The following OPHN1 variants were observed in gnomAD, a reference collection of about 807,000 sequenced individuals.
OPHN1 encodes oligophrenin-1.
A neutral mutation model predicts 60.7 loss-of-function variants in OPHN1; 11 were observed. The ratio of observed to expected loss-of-function variants is 0.18; its 90% CI spans 0.11 to 0.30. The LOEUF (loss-of-function observed/expected upper bound fraction) is 0.30, where lower values mean the gene tolerates loss of function less well. Among genes scored for constraint, OPHN1 ranks in the 10% least tolerant of loss-of-function variants. The pLI, the probability that OPHN1 is intolerant of heterozygous loss-of-function variation, is 1.00. For missense variants in OPHN1, 449 were observed against 611.0 expected (o/e 0.73, Z 2.80); for synonymous variants, 226 against 222.6 (o/e 1.02, Z -0.14).
At chrX:68,049,234 T>C (rs187802896) in intron 23 of OPHN1, among the ~76,000 whole-genome samples, 2 of 111,885 alleles carry the variant, frequency 1.8e-5, no homozygotes, top group East Asian at 5.7e-4. Flanking sequence ...TAAGTTGCAG[T>C]TACCCACTGA....
chrX:68,118,105 G>A lies in OPHN1; in HGVS notation c.1361+1143C>T, dbSNP rs1383444166. On this transcript the variant is annotated intron_variant, in intron 16 of 24. Transcript: ENST00000355520. ...AGAAGGCCAAAGCTCCTGGGAGTAG[G>A]GGGCAGGAGAAGAAGATGCCCCAGT... Among the ~76,000 whole-genome samples the A allele has an allele frequency of 4.5e-5, 5 of 111,790 alleles. No homozygotes were observed. The South Asian group carries it at 1.5e-3, about 34-fold the overall frequency.
At chrX:68,165,127 CCAT>C (rs1427992398) in intron 15 of OPHN1, among the ~76,000 whole-genome samples, 5 of 111,360 alleles carry the variant, frequency 4.5e-5, no homozygotes, top group South Asian at 7.6e-4. Flanking sequence ...CAAACTTTCC[CCAT>C]GTCAACTATA....
chrX:68,368,404 T>C (rs1189632603), intron 2 of OPHN1, among the ~76,000 whole-genome samples: 1 of 110,901 alleles, frequency 9.0e-6, no homozygotes, highest in African/African-American at 3.3e-5. Context: ...TAGCTGGACA[T>C]GGTGTTGTGC....
intron 15 of OPHN1, among the ~76,000 whole-genome samples, chrX:68,140,521 T>C (rs1053964380): frequency 9.1e-6 from 1 of 110,471 alleles, no homozygotes; most frequent in African/African-American, 3.3e-5. Flanking sequence ...TGAAGCAACC[T>C]GGTGAGGGTG....
At chrX:68,149,020 A>C (rs1216882711) in intron 15 of OPHN1, among the ~76,000 whole-genome samples, 2 of 111,392 alleles carry the variant, frequency 1.8e-5, no homozygotes, top group Non-Finnish European at 3.8e-5. Flanking sequence ...ATGGCCCACA[A>C]AACAAAAGTA....
chrX:68,269,677 G>A (rs2077955541), intron 5 of OPHN1, among the ~76,000 whole-genome samples: 1 of 111,540 alleles, frequency 9.0e-6, no homozygotes, highest in South Asian at 3.8e-4. Flanking sequence ...CATAGGCATG[G>A]GCAAGGACTT....
At chrX:68,374,610 CCTGG>C (rs1038431394) in intron 2 of OPHN1, among the ~76,000 whole-genome samples, 1 of 110,232 alleles carries the variant, frequency 9.1e-6, no homozygotes, top group African/African-American at 3.3e-5. Flanking sequence ...CATCACTATG[CCTGG>C]CTAATTTTTT....
chrX:68,105,074 C>G (rs979723730), intron 18 of OPHN1, among the ~76,000 whole-genome samples: 2 of 112,081 alleles, frequency 1.8e-5, no homozygotes, highest in African/African-American at 6.5e-5. Context: ...CATCATTAGT[C>G]ATTAGAGAAA....
At chrX:68,240,658 T>C (rs147915466) in intron 5 of OPHN1, among the ~76,000 whole-genome samples, 1,413 of 112,041 alleles carry the variant, frequency 0.013, 14 homozygotes, top group Non-Finnish European at 0.021. Flanking sequence ...TTGTTAATCC[T>C]TTCAATAACT....
At chrX:68,259,240 C>T (rs1191406630) in intron 5 of OPHN1, among the ~76,000 whole-genome samples, 1 of 111,188 alleles carries the variant, frequency 9.0e-6, no homozygotes, top group Non-Finnish European at 1.9e-5. Flanking sequence ...CACTTGAGAC[C>T]AGGAGTTCGA....
intron 15 of OPHN1, among the ~76,000 whole-genome samples, chrX:68,136,471 T>C (rs1602182605): frequency 2.8e-5 from 3 of 108,180 alleles, no homozygotes; most frequent in African/African-American, 1.0e-4. Flanking sequence ...GCCTGGCTAA[T>C]TTTTTGTATT....
intron 20 of OPHN1, chrX:68,070,712 G>A (rs878963222): frequency 9.2e-7 from 1 of 1,089,096 alleles, no homozygotes; most frequent in African/African-American, 1.8e-5. Flanking sequence ...CATCCATGAG[G>A]GCTTTGGTTC....
intron 5 of OPHN1, among the ~76,000 whole-genome samples, chrX:68,258,060 C>T (rs901139041): frequency 9.1e-6 from 1 of 109,320 alleles, no homozygotes; most frequent in Admixed American, 9.9e-5. Context: ...TGGTTATAGA[C>T]GGGAAGAGAA....
At chrX:68,370,522 A>AG (rs947588096) in intron 2 of OPHN1, among the ~76,000 whole-genome samples, 9 of 110,545 alleles carry the variant, frequency 8.1e-5, no homozygotes, top group Non-Finnish European at 1.5e-4. Context: ...AAAAAAAAAA[A>AG]GAGATGCTAG....
intron 2 of OPHN1, among the ~76,000 whole-genome samples, chrX:68,430,847 G>T (rs1352849266): frequency 1.8e-5 from 2 of 110,653 alleles, no homozygotes; most frequent in Non-Finnish European, 3.8e-5. Context: ...GAAAAAAAAA[G>T]AAAGAAAAGG....
At chrX:68,408,510 G>A (rs1328141905) in intron 2 of OPHN1, among the ~76,000 whole-genome samples, 1 of 112,171 alleles carries the variant, frequency 8.9e-6, no homozygotes, top group Non-Finnish European at 1.9e-5. Flanking sequence ...TAAGCTATTA[G>A]AGACCGTTTT....
chrX:68,073,464 G>GT lies in OPHN1; in HGVS notation c.1687-166dup. 6.6e-6 allele frequency: 3 copies of GT among 453,766 alleles called. No homozygotes were observed. The South Asian group carries it at 1.4e-4, about 21-fold the overall frequency. 37.4% of individuals were successfully genotyped at this position (453,766 alleles called of 1,213,427 possible). On this transcript the variant is annotated intron_variant, in intron 19 of 24. Transcript: ENST00000355520. ...ATTTTCTTAATCACTCTAGCTACAG[G>GT]TAAATGTTTAGGTATCTCCTACTAT...
chrX:68,123,805 G>T (rs963282319), intron 15 of OPHN1, among the ~76,000 whole-genome samples: 13 of 110,753 alleles, frequency 1.2e-4, no homozygotes, highest in African/African-American at 4.3e-4. Context: ...TCACTAAAAA[G>T]ACAGGAAGAA....
intron 2 of OPHN1, among the ~76,000 whole-genome samples, chrX:68,414,456 T>C (rs1222485338): frequency 8.9e-6 from 1 of 112,191 alleles, no homozygotes; most frequent in East Asian, 2.8e-4. Context: ...TCATAAGCCA[T>C]ATCCAAACAC....
Sources: allele counts gnomAD v4.1 joint callset (sites outside exome capture counted in the v4.1 genomes callset), GRCh38; gene constraint gnomAD v4.1.1; transcripts MANE v1.5; gene names NCBI Gene and HGNC (gene_info 2026-07-23, HGNC 2026-07-21).